Variants in NAV2 observed in about 807,000 individuals in gnomAD.
NAV2 encodes helicase, APC down-regulated 1.
In NAV2, 54 loss-of-function variants were observed where a neutral mutation model predicts 223.2. The observed-to-expected ratio is 0.24, with a 90% CI of 0.19 to 0.30. The LOEUF is 0.30. Ranked by LOEUF, NAV2 falls within the 10% of genes least tolerant of loss-of-function variation. NAV2 has a pLI of 1.00. For synonymous variants in NAV2, 1,279 were observed against 1,239.3 expected (o/e 1.03, Z -0.67); for missense variants, 2,806 against 3,147.5 (o/e 0.89, Z 2.60).
At chr11:19,656,659 G>T (rs1321171751) in intron 1 of NAV2, among the ~76,000 whole-genome samples, 4 of 152,174 alleles carry the variant, frequency 2.6e-5, no homozygotes, top group Non-Finnish European at 5.9e-5. Context: ...CAGGGTGCCT[G>T]GGGACCCAGC....
chr11:19,884,428 T>C (rs573957471), intron 5 of NAV2: 2 of 1,407,168 alleles, frequency 1.4e-6, no homozygotes, highest in East Asian at 4.6e-5. Flanking sequence ...TTGTTCCCTC[T>C]GTTCTGGCTG....
In NAV2 at chr11:19,464,108, C is replaced by T. The variant is rs898405010; in HGVS notation, c.75+113081C>T. 7.9e-5 allele frequency among the ~76,000 whole-genome samples: 12 copies of T among 152,164 alleles called. No homozygotes were observed. The South Asian group carries it at 2.1e-3, about 26-fold the overall frequency. ...ATTTCATACGGTAGTAATCCAGGTC[C>T]CTCAGGATCAAGCGCAGAACCTGAT... On this transcript the variant is annotated intron_variant, in intron 1 of 37. Transcript: ENST00000360655.
chr11:19,830,627 C>G (rs910432635), intron 1 of NAV2, among the ~76,000 whole-genome samples: 3 of 152,258 alleles, frequency 2.0e-5, no homozygotes, highest in Admixed American at 2.0e-4. Flanking sequence ...GCATAAGGCA[C>G]TCTTTCAAAA....
chr11:19,355,101 G>A (rs536468997), intron 1 of NAV2, among the ~76,000 whole-genome samples: 1 of 152,274 alleles, frequency 6.6e-6, no homozygotes, highest in East Asian at 1.9e-4. Context: ...GCATAGATTG[G>A]CGAAGTAAAA....
chr11:19,903,927 G>A (rs1853044490), intron 6 of NAV2, among the ~76,000 whole-genome samples: 1 of 152,188 alleles, frequency 6.6e-6, no homozygotes, highest in Non-Finnish European at 1.5e-5. Context: ...ATGTGGCCTA[G>A]TGGAAAGACT....
chr11:19,554,086 T>A (rs2044785048), intron 1 of NAV2, among the ~76,000 whole-genome samples: 1 of 152,240 alleles, frequency 6.6e-6, no homozygotes, highest in African/African-American at 2.4e-5. Context: ...TTCTGCGCTC[T>A]AAGCCAGGAG....
chr11:19,982,998 A>C (rs1292929256), intron 10 of NAV2, among the ~76,000 whole-genome samples: 1 of 152,138 alleles, frequency 6.6e-6, no homozygotes, highest in Non-Finnish European at 1.5e-5. Flanking sequence ...TCCTCTTACT[A>C]CATATTACTT....
intron 1 of NAV2, among the ~76,000 whole-genome samples, chr11:19,781,094 A>AT (rs1220257224): frequency 6.6e-6 from 1 of 152,214 alleles, no homozygotes; most frequent in African/African-American, 2.4e-5. Context: ...AATAAAAACT[A>AT]TTATTATCTC....
chr11:19,943,664 AT>A lies in NAV2; in HGVS notation c.2147-2735del, dbSNP rs1341404750. Among the ~76,000 whole-genome samples the A allele has an allele frequency of 1.3e-5, 2 of 152,076 alleles. 1 individual carries two copies. The highest frequency in any genetic ancestry group is 2.9e-5 in the Non-Finnish European group (2 of 68,022). On this transcript the variant is annotated intron_variant, in intron 8 of 37. Transcript: ENST00000349880. ...AAGTTCAACTTGGTGTCTGATGTCA[AT>A]TCTACTTGCTGCTGCTTGATGTCTA... is the stretch of plus-strand genomic sequence containing the variant.
At chr11:19,980,031 C>T (rs1162134738) in intron 10 of NAV2, among the ~76,000 whole-genome samples, 1 of 152,210 alleles carries the variant, frequency 6.6e-6, no homozygotes. Context: ...TTAGTGCTTA[C>T]TAACAATGAT....
intron 6 of NAV2, among the ~76,000 whole-genome samples, chr11:19,926,362 C>G (rs1006431795): frequency 2.0e-5 from 3 of 152,180 alleles, no homozygotes; most frequent in African/African-American, 4.8e-5. Context: ...GCCCCGCTTA[C>G]CTTCTTTACT....
At chr11:19,911,371 A>T (rs994171453) in intron 6 of NAV2, among the ~76,000 whole-genome samples, 1 of 152,206 alleles carries the variant, frequency 6.6e-6, no homozygotes, top group African/African-American at 2.4e-5. Flanking sequence ...TAGACAGAAC[A>T]GCGTGTCCAA....
chr11:19,981,507 G>GAAAT (rs2050283297), intron 10 of NAV2, among the ~76,000 whole-genome samples: 1 of 152,204 alleles, frequency 6.6e-6, no homozygotes, highest in African/African-American at 2.4e-5. Context: ...ATCCAGCAGG[G>GAAAT]AAATGAATGC....
chr11:19,817,125 C>T (rs1300334392), intron 1 of NAV2, among the ~76,000 whole-genome samples: 4 of 152,190 alleles, frequency 2.6e-5, no homozygotes, highest in Non-Finnish European at 5.9e-5. Context: ...CACGAGTGCA[C>T]ACAGTTTGCC....
intron 36 of NAV2, among the ~76,000 whole-genome samples, chr11:20,111,867 G>A (rs4757893): frequency 0.72 from 110,033 of 152,228 alleles, 43,516 homozygotes; most frequent in Non-Finnish European, 0.9. Context: ...ACTCAGTTGA[G>A]GACCAGAGAT....
intron 30 of NAV2, 28 bp from the exon 31 acceptor site, chr11:20,097,549 T>C (rs754310349): frequency 4.5e-6 from 7 of 1,540,854 alleles, no homozygotes; most frequent in Non-Finnish European, 6.1e-6. Flanking sequence ...ACATCTTTGA[T>C]GGGGTCTTTA....
intron 2 of NAV2, among the ~76,000 whole-genome samples, chr11:19,842,666 C>T (rs1174294652): frequency 1.3e-4 from 20 of 152,176 alleles, no homozygotes; most frequent in Admixed American, 1.2e-3. Context: ...AGATGACGAC[C>T]TTGCCCCAGC....
intron 11 of NAV2, chr11:20,022,447 T>C: frequency 3.3e-6 from 2 of 612,292 alleles, no homozygotes; most frequent in Non-Finnish European, 4.1e-6. Context: ...ATATTTTTGT[T>C]GGCACTGCAT....
At chr11:19,600,664 T>G (rs543469483) in intron 1 of NAV2, among the ~76,000 whole-genome samples, 1 of 152,204 alleles carries the variant, frequency 6.6e-6, no homozygotes, top group Non-Finnish European at 1.5e-5. Context: ...GAGCCTCAAT[T>G]TCTATAGCTG....
Sources: allele counts gnomAD v4.1 joint callset (sites outside exome capture counted in the v4.1 genomes callset), GRCh38; gene constraint gnomAD v4.1.1; transcripts MANE v1.5; gene names NCBI Gene and HGNC (gene_info 2026-07-23, HGNC 2026-07-21).